KLC1: variants seen among roughly 807,000 people sequenced by gnomAD.
KLC1 encodes the protein kinesin light chain 1.
KLC1 carries 30 observed loss-of-function variants against 84.2 expected under a neutral mutation model. That is an observed-to-expected ratio of 0.36 (90% CI 0.27 to 0.48). The LOEUF (loss-of-function observed/expected upper bound fraction) is 0.48. Ranked by LOEUF, KLC1 falls within the 20% of genes least tolerant of loss-of-function variation. The pLI is 0.99. For missense variants in KLC1, 499 were observed against 805.4 expected (o/e 0.62, Z 4.60); for synonymous variants, 289 against 293.3 (o/e 0.99, Z 0.15).
At chr14:103,635,735 AGAGT>A (rs2076998026) in intron 1 of KLC1, among the ~76,000 whole-genome samples, 1 of 152,074 alleles carries the variant, frequency 6.6e-6, no homozygotes, top group African/African-American at 2.4e-5. Context: ...CCTGGGCGAC[AGAGT>A]GAGACTCCCA....
At chr14:103,674,953 T>A (rs2080752702) in intron 9 of KLC1, among the ~76,000 whole-genome samples, 1 of 152,190 alleles carries the variant, frequency 6.6e-6, no homozygotes, top group South Asian at 2.1e-4. Flanking sequence ...GGTGTCCAGC[T>A]CTGTCGTCCA....
At chr14:103,670,375 T>C in intron 7 of KLC1, 92 bp downstream of exon 7, 1 of 815,072 alleles carries the variant, frequency 1.2e-6, no homozygotes, top group Non-Finnish European at 1.9e-6. Flanking sequence ...TCTCGTTCTG[T>C]CACCGGGCTG....
intron 9 of KLC1, among the ~76,000 whole-genome samples, chr14:103,674,043 C>G (rs980170125): frequency 6.6e-6 from 1 of 152,130 alleles, no homozygotes; most frequent in Non-Finnish European, 1.5e-5. Flanking sequence ...GAGACCTATA[C>G]AGTTCACGCA....
In KLC1 at chr14:103,634,747, T is replaced by A. The variant is rs74085238; in HGVS notation, c.-2+5253T>A. ...TAATGACCTTTAACTTTTTTTTTTT[T>A]AAATATAGTTTATGTAGAGACGGGG... is the stretch of plus-strand genomic sequence containing the variant. On this transcript the variant is annotated intron_variant, in intron 1 of 16. Transcript: ENST00000334553. 2.7e-3 allele frequency among the ~76,000 whole-genome samples: 409 copies of A among 152,114 alleles called. 1 individual carries two copies. The highest frequency in any genetic ancestry group is 9.1e-3 in the African/African-American group (378 of 41,504).
intron 15 of KLC1, chr14:103,699,388 C>T: frequency 6.2e-7 from 1 of 1,610,748 alleles, no homozygotes; most frequent in Non-Finnish European, 8.5e-7. Context: ...GCACAGGGCT[C>T]TGGAAGGCAC....
At chr14:103,678,250 G>C in intron 12 of KLC1, among the ~76,000 whole-genome samples, 1 of 152,214 alleles carries the variant, frequency 6.6e-6, no homozygotes, top group East Asian at 1.9e-4. Context: ...GCAACAGAGC[G>C]AGACTCCGTC....
chr14:103,640,369 T>C (rs951625429), intron 1 of KLC1, among the ~76,000 whole-genome samples: 3 of 134,604 alleles, frequency 2.2e-5, no homozygotes, highest in Non-Finnish European at 3.4e-5. Context: ...CTGTGAATTC[T>C]TTTTTTTTTG....
In KLC1 at chr14:103,701,322, T is replaced by C; in HGVS notation, c.*123T>C. The stretch of plus-strand genomic sequence containing the variant: ...AGCCGCAGCGCTCACTCATTTCTCC[T>C]GCGTCTGTGTGCATAGGACATGATA... On this transcript the variant is annotated 3_prime_UTR_variant, in exon 17 of 17. Transcript: ENST00000334553. 9.6e-7 allele frequency: 1 copy of C among 1,046,616 alleles called. No homozygotes were observed. Among genetic ancestry groups the C allele is most frequent in the Non-Finnish European group, 1.4e-6 (1 of 710,934 alleles). 64.8% of individuals were successfully genotyped at this position (1,046,616 alleles called of 1,614,324 possible).
chr14:103,657,962 C>T (rs1039719089), intron 3 of KLC1, among the ~76,000 whole-genome samples, 186 bp downstream of exon 3: 28 of 152,176 alleles, frequency 1.8e-4, no homozygotes, highest in African/African-American at 6.0e-4. Context: ...AGGTCTGCCC[C>T]GAGGTCTGTC....
At chr14:103,645,854 T>G (rs975780177) in intron 1 of KLC1, among the ~76,000 whole-genome samples, 1 of 151,422 alleles carries the variant, frequency 6.6e-6, no homozygotes, top group African/African-American at 2.4e-5. Context: ...GCCTTCTGGG[T>G]TCATGCCATT....
Position 103,694,239 on chromosome 14 carries a change from C to T in KLC1, c.1848+1814C>T, listed in dbSNP as rs186988946. 3.9e-4 allele frequency: 384 copies of T among 980,246 alleles called. 6 individuals are homozygous for T. In the East Asian group the frequency reaches 0.021, roughly 55 times the overall value. The allele number at this position is 980,246 out of a possible 1,614,324, so 60.7% of individuals were successfully genotyped here. A position where few individuals can be genotyped will look rare whatever the true frequency, so the allele number is the denominator to read the frequency against. Reference sequence around the variant, plus strand: ...CCCCTGCACACGAAGCCCATAGAGACGTGTGTTTCACTTTTTTTTTTTTTT... The same window carrying T: ...CCCCTGCACACGAAGCCCATAGAGATGTGTGTTTCACTTTTTTTTTTTTTT... On this transcript the variant is annotated intron_variant, in intron 15 of 16. Coordinates refer to ENST00000334553, the MANE Select transcript of KLC1 (RefSeq NM_001394837.1). The surrounding 1 kb of genome is among the most constrained non-coding windows in gnomAD (Gnocchi z 4.5).
chr14:103,647,324 A>C (rs1253144033), intron 1 of KLC1, among the ~76,000 whole-genome samples: 1 of 151,950 alleles, frequency 6.6e-6, no homozygotes, highest in Non-Finnish European at 1.5e-5. Flanking sequence ...TCCAGGTTCA[A>C]GCGATTCTCC....
At chr14:103,699,895 TGC>T (rs1044972400) in intron 15 of KLC1, 9 of 403,888 alleles carry the variant, frequency 2.2e-5, no homozygotes, top group African/African-American at 1.8e-4. Context: ...CCTGAGTCCT[TGC>T]GGGGGTCTGC....
At chr14:103,667,655 T>C (rs1451948203) in intron 5 of KLC1, among the ~76,000 whole-genome samples, 1 of 152,216 alleles carries the variant, frequency 6.6e-6, no homozygotes, top group Non-Finnish European at 1.5e-5. Context: ...TGGAACTCTA[T>C]TTTGTACTTG....
chr14:103,688,485 G>A (rs1448478129), intron 14 of KLC1, among the ~76,000 whole-genome samples: 1 of 152,056 alleles, frequency 6.6e-6, no homozygotes. Flanking sequence ...AAAAAAAAAA[G>A]TATGTCCACT....
At chr14:103,692,497 T>C (rs2151856403) in intron 15 of KLC1, 72 bp downstream of exon 15, 1 of 1,326,658 alleles carries the variant, frequency 7.5e-7, no homozygotes, top group Non-Finnish European at 1.0e-6. Flanking sequence ...AGACCCGCAC[T>C]CGGCCCCTGC....
chr14:103,662,084 A>G, intron 3 of KLC1, 32 bp from the exon 4 acceptor site: 1 of 1,487,448 alleles, frequency 6.7e-7, no homozygotes, highest in African/African-American at 1.4e-5. Flanking sequence ...AGCACGTGTA[A>G]GATGAAGTGT....
At chr14:103,654,419 T>C (rs992179732) in intron 1 of KLC1, 145 bp from the exon 2 acceptor site, 5 of 578,000 alleles carry the variant, frequency 8.7e-6, no homozygotes, top group African/African-American at 5.7e-5. Flanking sequence ...CTGCAGAATA[T>C]GGTATTTCAA....
chr14:103,673,289 A>T (rs759511354), intron 8 of KLC1, 43 bp from the exon 9 acceptor site: 17 of 1,546,358 alleles, frequency 1.1e-5, no homozygotes, highest in Non-Finnish European at 1.4e-5. Context: ...TGCTTTATTT[A>T]CATCTGAAAG....
Sources: gnomAD v4.1 joint callset for allele counts (sites outside exome capture counted in the v4.1 genomes callset) on GRCh38, gnomAD v4.1.1 for gene constraint, Gnocchi (gnomAD v3.1) non-coding constraint, MANE v1.5 for transcripts, NCBI Gene and HGNC (gene_info 2026-07-23, HGNC 2026-07-21) for gene names.